The following AGMO variants were observed in gnomAD, a reference collection of about 807,000 sequenced individuals.
AGMO encodes the protein alkylglycerol monooxygenase.
Under a neutral mutation model 60.2 loss-of-function variants are expected in AGMO, and 75 were observed. That is an observed-to-expected ratio of 1.25 (90% CI 1.03 to 1.51). The LOEUF is 1.51. Ranked by LOEUF, AGMO falls within the 40% of genes most tolerant of loss-of-function variation. The pLI is 0.00. For synonymous variants in AGMO, 261 were observed against 177.1 expected, an observed-to-expected ratio of 1.47 and a Z score of -3.76; for missense variants, 763 against 525.5, an observed-to-expected ratio of 1.45 and a Z score of -4.42.
intron 4 of AGMO, among the ~76,000 whole-genome samples, chr7:15,427,281 A>G (rs73068522): frequency 2.4e-3 from 365 of 152,286 alleles, no homozygotes; most frequent in Non-Finnish European, 4.2e-3. Flanking sequence ...GTTTTTTAAT[A>G]AACTATTTAT....
chr7:15,311,334 G>A (rs1462309148), intron 12 of AGMO, among the ~76,000 whole-genome samples: 1 of 151,994 alleles, frequency 6.6e-6, no homozygotes, highest in South Asian at 2.1e-4. Flanking sequence ...TTTTCACTTA[G>A]AAAAATAAGT....
At chr7:15,191,973 TCACACACACA>T in the AGMO span, among the ~76,000 whole-genome samples, 9 of 144,744 alleles carry the variant, frequency 6.2e-5, no homozygotes, top group East Asian at 4.0e-4. Flanking sequence ...TGTCTCTCTC[TCACACACACA>T]CACACACACA....
chr7:15,286,238 A>G (rs1405219354), intron 12 of AGMO, among the ~76,000 whole-genome samples: 1 of 152,294 alleles, frequency 6.6e-6, no homozygotes, highest in Middle Eastern at 3.4e-3. Context: ...TAATTAAACG[A>G]AAAAGCTTCT....
In AGMO at chr7:15,306,805, G is replaced by C. The variant is rs140078034; in HGVS notation, c.1263+58709C>G. Among the ~76,000 whole-genome samples the C allele has an allele frequency of 7.3e-3, 1,106 of 152,042 alleles. 23 individuals are homozygous for C. Among genetic ancestry groups the C allele is most frequent in the African/African-American group, 0.025 (1,027 of 41,512 alleles). On this transcript the variant is annotated intron_variant, in intron 12 of 12. Transcript: ENST00000342526. ...TTATTATGCTAAGTATGCCACATTGGAAAGGGCTGTTGGAGAAACATAAAT... is the reference window on the plus strand; with the variant it reads ...TTATTATGCTAAGTATGCCACATTGCAAAGGGCTGTTGGAGAAACATAAAT...
intron 3 of AGMO, among the ~76,000 whole-genome samples, chr7:15,523,740 C>T (rs568656148): frequency 1.3e-4 from 20 of 152,000 alleles, no homozygotes; most frequent in Non-Finnish European, 2.2e-4. Context: ...ATGTAGATGA[C>T]AGGTTGATGG....
intron 12 of AGMO, among the ~76,000 whole-genome samples, chr7:15,221,629 C>T (rs191959019): frequency 3.7e-4 from 56 of 152,176 alleles, no homozygotes; most frequent in African/African-American, 1.3e-3. Context: ...TTTGTAGGCA[C>T]ACTGGAAATT....
chr7:15,503,591 T>C (rs1430232275), intron 3 of AGMO, among the ~76,000 whole-genome samples: 3 of 151,930 alleles, frequency 2.0e-5, no homozygotes, highest in Non-Finnish European at 2.9e-5. Flanking sequence ...CCCAGGGAAA[T>C]AAATCAATAT....
chr7:15,465,326 AGT>A (rs958241358), intron 3 of AGMO, among the ~76,000 whole-genome samples: 26 of 150,728 alleles, frequency 1.7e-4, no homozygotes, highest in African/African-American at 5.3e-4. Context: ...CCGAAATTAG[AGT>A]GTGTGTGTGC....
intron 12 of AGMO, among the ~76,000 whole-genome samples, chr7:15,295,353 ATC>A (rs1350645447): frequency 1.3e-5 from 2 of 152,098 alleles, no homozygotes; most frequent in African/African-American, 4.8e-5. Flanking sequence ...ACTGTTCTAA[ATC>A]TGAAGAAAGG....
chr7:15,346,774 A>G (rs1358681114), intron 12 of AGMO, among the ~76,000 whole-genome samples: 7 of 152,140 alleles, frequency 4.6e-5, no homozygotes, highest in Non-Finnish European at 1.0e-4. Flanking sequence ...AGTGCAGAAT[A>G]TAAGCAAAAA....
At chr7:15,552,271 A>T (rs575558476) in intron 2 of AGMO, among the ~76,000 whole-genome samples, 1 of 152,340 alleles carries the variant, frequency 6.6e-6, no homozygotes, top group South Asian at 2.1e-4. Context: ...CAAGGACTTC[A>T]TGTCCAAAAC....
At chr7:15,390,088 C>T (rs979580586) in intron 8 of AGMO, among the ~76,000 whole-genome samples, 18 of 152,202 alleles carry the variant, frequency 1.2e-4, no homozygotes, top group African/African-American at 4.3e-4. Flanking sequence ...CTGACTCTGA[C>T]GGATCAGAGC....
intron 12 of AGMO, among the ~76,000 whole-genome samples, chr7:15,239,589 T>C (rs1230588563): frequency 6.6e-6 from 1 of 152,138 alleles, no homozygotes; most frequent in Non-Finnish European, 1.5e-5. Flanking sequence ...GTGTTGTTAT[T>C]TGAAAGCAGT....
chr7:15,131,757 AACACACACACACAC>A, the AGMO span, among the ~76,000 whole-genome samples: 1 of 146,254 alleles, frequency 6.8e-6, no homozygotes, highest in Non-Finnish European at 1.5e-5. Flanking sequence ...CAAAGAAATT[AACACACACACACAC>A]ACACACACAC....
chr7:15,179,132 G>T, the AGMO span, among the ~76,000 whole-genome samples: 2 of 151,980 alleles, frequency 1.3e-5, no homozygotes, highest in African/African-American at 2.4e-5. Context: ...CATTCCTTCC[G>T]AAACTCATGT....
Position 15,497,689 on chromosome 7 carries a change from C to G in AGMO, c.409+47083G>C, listed in dbSNP as rs565429132. On this transcript the variant is annotated intron_variant, in intron 3 of 12. Transcript: ENST00000342526. ...ACAATTAATTGATTCATTCTAAAAT[C>G]ATATATTTATTATTGCAATTTAACA... 1.6e-3 allele frequency among the ~76,000 whole-genome samples: 236 copies of G among 152,080 alleles called. 2 individuals carry two copies. The highest frequency in any genetic ancestry group is 5.4e-3 in the African/African-American group (224 of 41,506).
chr7:15,383,357 A>T lies in AGMO; in HGVS notation c.1074+2089T>A, dbSNP rs924247176. On this transcript the variant is annotated intron_variant, in intron 10 of 12. Transcript: ENST00000342526. ...CACTGTCTAAAGAAGCAATAGTCCC[A>T]AACTTTTCAGTTACGTTAGTTAATA... Among the ~76,000 whole-genome samples the T allele has an allele frequency of 2.0e-5, 3 of 151,784 alleles. No individual in the cohort carries two copies. In the South Asian group the frequency reaches 6.2e-4, roughly 31 times the overall value.
Position 15,340,481 on chromosome 7 carries a change from G to A in AGMO, c.1263+25033C>T, listed in dbSNP as rs375284035. 1.4e-3 allele frequency among the ~76,000 whole-genome samples: 211 copies of A among 152,106 alleles called. 2 individuals carry two copies. The highest frequency in any genetic ancestry group is 4.9e-3 in the African/African-American group (202 of 41,528). On this transcript the variant is annotated intron_variant, in intron 12 of 12. Transcript: ENST00000342526. ...CTCCTGTCACAGGCCAGGAGGCCTC[G>A]GGGGGAACAATGGTTTCCTGGGCTG... is the stretch of plus-strand genomic sequence containing the variant.
chr7:15,282,594 A>G (rs1783999444), intron 12 of AGMO, among the ~76,000 whole-genome samples: 1 of 152,210 alleles, frequency 6.6e-6, no homozygotes, highest in Non-Finnish European at 1.5e-5. Flanking sequence ...AAATGGCCAG[A>G]CCTAAAAATA....
Sources: allele counts gnomAD v4.1 joint callset (sites outside exome capture counted in the v4.1 genomes callset), GRCh38; gene constraint gnomAD v4.1.1; transcripts MANE v1.5; gene names NCBI Gene and HGNC (gene_info 2026-07-23, HGNC 2026-07-21).